ZNF708: variants seen among roughly 807,000 people sequenced by gnomAD.
ZNF708 encodes the protein ZNF15, ZNF15L1.
ZNF708 carries 44 observed loss-of-function variants against 47.0 expected under a neutral mutation model. That is an observed-to-expected ratio of 0.94 (90% CI 0.74 to 1.20). ZNF708 has a LOEUF of 1.20. Ranked by LOEUF, ZNF708 falls within the 50% of genes most tolerant of loss-of-function variation. The pLI, the probability that ZNF708 is intolerant of heterozygous loss-of-function variation, is 0.00. For missense variants in ZNF708, 557 were observed against 656.0 expected (o/e 0.85, Z 1.65); for synonymous variants, 184 against 218.5 (o/e 0.84, Z 1.39).
In ZNF708 at chr19:21,312,293, CAAAA is replaced by C. The variant is rs11330288; in HGVS notation, c.4-1670_4-1667del. 1.4e-4 allele frequency among the ~76,000 whole-genome samples: 20 copies of C among 147,750 alleles called. No individual in the cohort carries two copies. The South Asian group carries it at 1.7e-3, about 13-fold the overall frequency. Reference sequence around the variant, plus strand: ...CTGGTGACAGAGCGACACTCCATCTCAAAAAAAAAAAATACAAAAATTAGTCAGG... The same window carrying C: ...CTGGTGACAGAGCGACACTCCATCTCAAAAAAAATACAAAAATTAGTCAGG... On this transcript the variant is annotated intron_variant, in intron 1 of 3. Transcript: ENST00000356929.
rs1193074992 is a variant in ZNF708, at chr19:21,294,243, T to C, written c.723A>G (p.Arg241=). The C allele has an allele frequency of 4.3e-6, 7 of 1,612,320 alleles. No individual in the cohort carries two copies. Among genetic ancestry groups the C allele is most frequent in the Non-Finnish European group, 5.9e-6 (7 of 1,179,766 alleles). ...KAFNQSSTLT[R]HKIIHTGEKL... is the part of the protein sequence containing the mutation. ...TCTCTCCAGTATGAATTATCTTATG[T>C]CTAGTAAGAGTTGAGGACTGGTTAA... The change falls in exon 4 of 4, where the codon AGA becomes AGG. Residue 241 remains arginine, a synonymous_variant. Transcript: ENST00000356929.
At chr19:21,306,683 G>A (rs1399719926) in intron 3 of ZNF708, 2 of 152,234 alleles carry the variant, frequency 1.3e-5, no homozygotes, top group Middle Eastern at 3.4e-3. Context: ...GGAGGCTCAG[G>A]CCTGTAATCC....
At chr19:21,296,485 A>G (rs1972529301) in intron 3 of ZNF708, among the ~76,000 whole-genome samples, 1 of 152,078 alleles carries the variant, frequency 6.6e-6, no homozygotes, top group Non-Finnish European at 1.5e-5. Context: ...TTGGGCAACA[A>G]GAGCGAAACT....
chr19:21,317,715 T>C (rs574117235), intron 1 of ZNF708, among the ~76,000 whole-genome samples: 33 of 152,292 alleles, frequency 2.2e-4, no homozygotes, highest in African/African-American at 7.9e-4. Context: ...TCACCATAAT[T>C]AGTCCACAAG....
rs1348798453 is a variant in ZNF708, at chr19:21,329,205, C to G, written c.3+5G>C. The G allele has an allele frequency of 1.1e-5, 17 of 1,612,180 alleles. No individual in the cohort carries two copies. Among genetic ancestry groups the G allele is most frequent in the Non-Finnish European group, 1.4e-5 (16 of 1,178,706 alleles). On this transcript the variant is annotated splice_donor_5th_base_variant and intron_variant, in intron 1 of 3. Transcript: ENST00000356929. Reference sequence around the variant, plus strand: ...CTCTCTCGGGATGTCGGACGGCACTCTCACCATTTCTAGGCTTCCAGAGGG... The same window carrying G: ...CTCTCTCGGGATGTCGGACGGCACTGTCACCATTTCTAGGCTTCCAGAGGG...
intron 1 of ZNF708, chr19:21,318,040 C>T (rs777426800): frequency 3.9e-5 from 6 of 152,256 alleles, no homozygotes; most frequent in Non-Finnish European, 7.3e-5. Context: ...CCTCTCTTGA[C>T]CCCTACCATC....
At chr19:21,296,326 C>A (rs1324457386) in intron 3 of ZNF708, among the ~76,000 whole-genome samples, 1 of 151,968 alleles carries the variant, frequency 6.6e-6, no homozygotes, top group East Asian at 1.9e-4. Flanking sequence ...CATGGTGAAA[C>A]CCCGTTTCTA....
Position 21,328,708 on chromosome 19 carries a change from A to T in ZNF708, c.3+502T>A, listed in dbSNP as rs552592857. ...CACCTTATAAAAAGTCTTTCCTTCA[A>T]GCTCCTCCCATGAACCACAAACTAC... On this transcript the variant is annotated intron_variant, in intron 1 of 3. Coordinates refer to ENST00000356929, the MANE Select transcript of ZNF708 (RefSeq NM_021269.3). 3.3e-5 allele frequency among the ~76,000 whole-genome samples: 5 copies of T among 152,360 alleles called. No individual in the cohort carries two copies. In the South Asian group the frequency reaches 1.0e-3, roughly 32 times the overall value.
In ZNF708 at chr19:21,291,220, C is replaced by CTAA. The variant is rs142936365; in HGVS notation, c.*2051_*2053dup. 4 of 151,764 alleles carry CTAA rather than the reference C, an allele frequency of 2.6e-5. No homozygotes were observed. The highest frequency in any genetic ancestry group is 5.9e-5 in the Non-Finnish European group (4 of 67,946). 9.4% of individuals were successfully genotyped at this position (151,764 alleles called of 1,614,324 possible). A position where few individuals can be genotyped will look rare whatever the true frequency, so the allele number is the denominator to read the frequency against. ...AAAGTACAAATAGTAAAATAACGTA[C>CTAA]TAATTTTTTAATTTTAACAAAACTT... On this transcript the variant is annotated 3_prime_UTR_variant, in exon 4 of 4. Coordinates refer to ENST00000356929, the MANE Select transcript of ZNF708 (RefSeq NM_021269.3).
intron 1 of ZNF708, among the ~76,000 whole-genome samples, chr19:21,320,870 G>A (rs1401724742): frequency 2.0e-5 from 3 of 151,908 alleles, no homozygotes; most frequent in South Asian, 2.1e-4. Flanking sequence ...GGCTGGGCGC[G>A]GTGGCTCACG....
intron 3 of ZNF708, among the ~76,000 whole-genome samples, 169 bp from the exon 4 acceptor site, chr19:21,294,908 T>C (rs1422404763): frequency 6.6e-6 from 1 of 152,164 alleles, no homozygotes; most frequent in Non-Finnish European, 1.5e-5. Context: ...AAAATACATT[T>C]GTAAAAAATT....
rs1298815855 is a variant in ZNF708, at chr19:21,294,280, C to T, written c.686G>A (p.Cys229Tyr). 1 of 1,613,028 alleles carries T rather than the reference C, an allele frequency of 6.2e-7. No individual in the cohort carries two copies. The highest frequency in any genetic ancestry group is 8.5e-7 in the Non-Finnish European group (1 of 1,179,932). ...TGAGGACTGGTTAAAAGCTTTTCCA[C>T]ATTCTTCACATTTGTAGGGTTTCTC... Reference protein sequence around the residue: ...TGEKPYKCEECGKAFNQSSTL... With the variant: ...TGEKPYKCEEYGKAFNQSSTL... The change falls in exon 4 of 4, where the codon TGT (cysteine) becomes TAT (tyrosine). Residue 229 changes from cysteine to tyrosine, a missense_variant. By Grantham distance (194) the Cys-to-Tyr change is radical (BLOSUM62 -2). Coordinates refer to ENST00000356929, the MANE Select transcript of ZNF708 (RefSeq NM_021269.3).
At chr19:21,311,143 C>T (rs947231222) in intron 1 of ZNF708, among the ~76,000 whole-genome samples, 22 of 152,008 alleles carry the variant, frequency 1.4e-4, no homozygotes, top group Admixed American at 1.3e-3. Context: ...TCAAACATCC[C>T]GTAAGTAAAA....
In ZNF708 at chr19:21,329,316, C is replaced by A; in HGVS notation, c.-104G>T. 1 of 1,545,720 alleles carries A rather than the reference C, an allele frequency of 6.5e-7. No homozygotes were observed. The highest frequency in any genetic ancestry group is 1.4e-5 in the African/African-American group (1 of 73,298). On this transcript the variant is annotated 5_prime_UTR_variant, in exon 1 of 4. Coordinates refer to ENST00000356929, the MANE Select transcript of ZNF708 (RefSeq NM_021269.3). ...GCCTCTAGGAGCAGAGGACAAACAG[C>A]AGTGAAGACGAGACCGGAGCTCCGG...
intron 1 of ZNF708, among the ~76,000 whole-genome samples, chr19:21,311,796 G>T (rs1972904262): frequency 6.6e-6 from 1 of 152,022 alleles, no homozygotes; most frequent in Non-Finnish European, 1.5e-5. Flanking sequence ...CTGTCCTCAG[G>T]TGCCCTTCCC....
chr19:21,297,268 ATATTTTTTTTT>A (rs1177104849), intron 3 of ZNF708, among the ~76,000 whole-genome samples: 9 of 15,344 alleles, frequency 5.9e-4, no homozygotes, highest in Non-Finnish European at 8.2e-4. Flanking sequence ...ATATATATAT[ATATTTTTTTTT>A]TTTTTTTTTT....
chr19:21,291,500 C>T lies in ZNF708; in HGVS notation c.*1774G>A, dbSNP rs939321449. ...GAATACAATAGAAATGAAGAAATAG[C>T]ATCAAGTAACTAGAGAGTTGAATCA... On this transcript the variant is annotated 3_prime_UTR_variant, in exon 4 of 4. Coordinates refer to ENST00000356929, the MANE Select transcript of ZNF708 (RefSeq NM_021269.3). The T allele has an allele frequency of 6.6e-6, 1 of 152,130 alleles. No individual in the cohort carries two copies. Among genetic ancestry groups the T allele is most frequent in the Admixed American group, 6.5e-5 (1 of 15,268 alleles). The allele number at this position is 152,130 out of a possible 1,614,324, so 9.4% of individuals were successfully genotyped here.
chr19:21,307,453 G>A lies in ZNF708; in HGVS notation c.226+1793C>T, dbSNP rs143024386. 7.6e-4 allele frequency among the ~76,000 whole-genome samples: 116 copies of A among 151,892 alleles called. 1 individual carries two copies. The highest frequency in any genetic ancestry group is 2.5e-3 in the African/African-American group (102 of 41,448). ...AGCCTTACCAACATGGTGAAACCCC[G>A]TCTACTAAAAATACAAAAATTAGCT... On this transcript the variant is annotated intron_variant, in intron 3 of 3. Transcript: ENST00000356929.
chr19:21,307,408 A>T (rs1325700810), intron 3 of ZNF708, among the ~76,000 whole-genome samples: 1 of 151,806 alleles, frequency 6.6e-6, no homozygotes, highest in Non-Finnish European at 1.5e-5. Context: ...GGTGGATCAC[A>T]AGGTCAGGAG....
Sources: gnomAD v4.1 joint callset for allele counts (sites outside exome capture counted in the v4.1 genomes callset) on GRCh38, gnomAD v4.1.1 for gene constraint, MANE v1.5 for transcripts, NCBI Gene and HGNC (gene_info 2026-07-23, HGNC 2026-07-21) for gene names.